NR2C1: variants seen among roughly 807,000 people sequenced by gnomAD.
The protein encoded by NR2C1 is nuclear receptor subfamily 2 group C member 1, also known as TR2 nuclear hormone receptor.
NR2C1 carries 33 observed loss-of-function variants against 74.8 expected under a neutral mutation model. That is an observed-to-expected ratio of 0.44 (90% CI 0.33 to 0.59). The LOEUF (loss-of-function observed/expected upper bound fraction) is 0.59. Ranked by LOEUF, NR2C1 falls within the 20% of genes least tolerant of loss-of-function variation. The probability of loss-of-function intolerance (pLI) is 0.02; values close to 1 mark genes in which losing one functional copy is unlikely to be tolerated. For synonymous variants in NR2C1, 225 were observed against 240.6 expected, an observed-to-expected ratio of 0.94 and a Z score of 0.60; for missense variants, 568 against 715.6, an observed-to-expected ratio of 0.79 and a Z score of 2.35.
At chr12:95,025,049 G>A (rs1869188906) in intron 13 of NR2C1, 101 bp downstream of exon 13, 2 of 541,104 alleles carry the variant, frequency 3.7e-6, no homozygotes, top group African/African-American at 3.9e-5. Flanking sequence ...AGTTAAGGTT[G>A]CCTAAAACAT....
chr12:95,036,379 C>T (rs1437129162), intron 10 of NR2C1, among the ~76,000 whole-genome samples: 1 of 151,824 alleles, frequency 6.6e-6, no homozygotes, highest in Non-Finnish European at 1.5e-5. Flanking sequence ...TCAAGATCAG[C>T]CTGGACAACA....
chr12:95,027,976 C>A (rs1475949410), intron 12 of NR2C1: 1 of 154,844 alleles, frequency 6.5e-6, no homozygotes, highest in Non-Finnish European at 1.4e-5. Flanking sequence ...ATATGACTGG[C>A]TTCTTTCATT....
Position 95,031,406 on chromosome 12 carries a change from T to C in NR2C1, c.1336A>G (p.Asn446Asp). ...AATGTTGCTAATATAGTTGCTACAT[T>C]CATCACTTGCCAGCACTGGGCAAGA... ...LGLAQCWQVM[N>D]VATILATFVN... The change falls in exon 11 of 14, where the codon AAT becomes GAT. Residue 446 changes from asparagine (N) to aspartate (D), a missense_variant. Physicochemically the swap from Asn to Asp is conservative, Grantham distance 23 (BLOSUM62 1). Coordinates refer to ENST00000333003, the MANE Select transcript of NR2C1 (RefSeq NM_003297.4). The C allele has an allele frequency of 6.2e-7, 1 of 1,608,430 alleles. No homozygotes were observed. Among genetic ancestry groups the C allele is most frequent in the Non-Finnish European group, 8.5e-7 (1 of 1,177,782 alleles).
chr12:95,072,647 T>C (rs1414918577), intron 1 of NR2C1: 1 of 152,252 alleles, frequency 6.6e-6, no homozygotes, highest in African/African-American at 2.4e-5. Flanking sequence ...TACTGAAGAT[T>C]ATGGGACAAC....
chr12:95,055,608 A>C (rs1341261532), intron 7 of NR2C1, among the ~76,000 whole-genome samples: 1 of 152,234 alleles, frequency 6.6e-6, no homozygotes, highest in East Asian at 1.9e-4. Context: ...TCAAGTGACA[A>C]ATATATAACA....
intron 9 of NR2C1, among the ~76,000 whole-genome samples, chr12:95,046,435 T>A (rs903141640): frequency 6.6e-6 from 1 of 152,012 alleles, no homozygotes; most frequent in Non-Finnish European, 1.5e-5. Context: ...AAAAATTTTT[T>A]AAATTAGCTG....
intron 10 of NR2C1, among the ~76,000 whole-genome samples, chr12:95,036,030 C>T (rs1870774608): frequency 6.6e-6 from 1 of 152,146 alleles, no homozygotes; most frequent in Admixed American, 6.5e-5. Context: ...TCCTTTAAAC[C>T]TCATTACACA....
chr12:95,032,949 CAG>C (rs1364651508), intron 10 of NR2C1, among the ~76,000 whole-genome samples: 2 of 151,884 alleles, frequency 1.3e-5, no homozygotes, highest in Non-Finnish European at 2.9e-5. Flanking sequence ...GCTTGGGTGA[CAG>C]AGTGAGACCC....
intron 10 of NR2C1, among the ~76,000 whole-genome samples, chr12:95,034,661 T>A (rs1870587271): frequency 6.6e-6 from 1 of 152,218 alleles, no homozygotes; most frequent in South Asian, 2.1e-4. Context: ...TGGTGGTCCC[T>A]TAAGATTGTA....
At chr12:95,070,111 A>G (rs566697466) in intron 1 of NR2C1, among the ~76,000 whole-genome samples, 1 of 151,314 alleles carries the variant, frequency 6.6e-6, no homozygotes, top group East Asian at 1.9e-4. Context: ...CAAAAGTAAA[A>G]TTTACAAGTT....
At chr12:95,028,254 CT>C in intron 12 of NR2C1, 132 bp downstream of exon 12, 1 of 670,656 alleles carries the variant, frequency 1.5e-6, no homozygotes, top group South Asian at 2.0e-5. Context: ...CATGTTTAAC[CT>C]TTTGAAGAAC....
intron 12 of NR2C1, among the ~76,000 whole-genome samples, chr12:95,027,937 T>C (rs1869567798): frequency 6.6e-6 from 1 of 152,168 alleles, no homozygotes; most frequent in Admixed American, 6.5e-5. Context: ...TTACCTATTT[T>C]GCGTATTTTA....
chr12:95,040,534 T>A lies in NR2C1; in HGVS notation c.1195A>T (p.Arg399Ter). ...NVHYIGESAS[R>*]LLFLSMHWAL... ...CAGTGCATTGATAAGAACAGCAGTC[T>A]GGAGGCAGACTCCCCAATGTAGTGC... Residue 399 changes from arginine (R) to a stop codon, truncating the protein, a stop_gained, in exon 10 of 14, where the codon AGA (arginine) becomes TGA (stop). Coordinates refer to ENST00000333003, the MANE Select transcript of NR2C1 (RefSeq NM_003297.4). LOFTEE classifies it high-confidence loss of function. 1 of 1,613,998 alleles carries A rather than the reference T, an allele frequency of 6.2e-7. No homozygotes were observed. Among genetic ancestry groups the A allele is most frequent in the Non-Finnish European group, 8.5e-7 (1 of 1,179,890 alleles).
intron 12 of NR2C1, 120 bp from the exon 13 acceptor site, chr12:95,025,375 C>A: frequency 1.7e-6 from 1 of 575,156 alleles, no homozygotes; most frequent in East Asian, 3.1e-5. Flanking sequence ...ATGTGTGGCT[C>A]AGGCCGGGCA....
intron 3 of NR2C1, among the ~76,000 whole-genome samples, chr12:95,061,069 T>C (rs184181922): frequency 6.6e-6 from 1 of 152,310 alleles, no homozygotes; most frequent in African/African-American, 2.4e-5. Flanking sequence ...CCCACATTCA[T>C]GAGAAAAACA....
intron 10 of NR2C1, among the ~76,000 whole-genome samples, chr12:95,039,559 CTT>C (rs1259169926): frequency 2.0e-5 from 3 of 152,174 alleles, no homozygotes; most frequent in Non-Finnish European, 4.4e-5. Flanking sequence ...ATTTGGCAAA[CTT>C]TAGGTAAAGC....
chr12:95,040,302 T>C (rs1592744082), intron 10 of NR2C1, among the ~76,000 whole-genome samples, 174 bp downstream of exon 10: 2 of 152,184 alleles, frequency 1.3e-5, no homozygotes, highest in African/African-American at 4.8e-5. Flanking sequence ...TCCACATAAA[T>C]ACAGAGAAAA....
chr12:95,067,582 T>TA (rs1284981149), intron 1 of NR2C1, among the ~76,000 whole-genome samples, 191 bp from the exon 2 acceptor site: 1 of 151,806 alleles, frequency 6.6e-6, no homozygotes, highest in Non-Finnish European at 1.5e-5. Flanking sequence ...TTTATTTTTT[T>TA]TTTTTTTAAA....
chr12:95,072,210 C>T (rs1048712343), intron 1 of NR2C1, among the ~76,000 whole-genome samples: 1 of 149,672 alleles, frequency 6.7e-6, no homozygotes, highest in Non-Finnish European at 1.5e-5. Flanking sequence ...GGGTACATCA[C>T]GAGGTCAGAG....
Sources: allele counts gnomAD v4.1 joint callset (sites outside exome capture counted in the v4.1 genomes callset), GRCh38; gene constraint gnomAD v4.1.1; transcripts MANE v1.5; gene names NCBI Gene and HGNC (gene_info 2026-07-23, HGNC 2026-07-21).